Variants in GPR158 observed in about 807,000 individuals in gnomAD.
GPR158 encodes G protein-coupled receptor 158.
A neutral mutation model predicts 78.2 loss-of-function variants in GPR158; 30 were observed. That is an observed-to-expected ratio of 0.38 (90% CI 0.29 to 0.52). The LOEUF (loss-of-function observed/expected upper bound fraction) is 0.52, where lower values mean the gene tolerates loss of function less well. GPR158 is among the 20% of genes least tolerant of loss of function. The probability of loss-of-function intolerance (pLI) is 0.83; values close to 1 mark genes in which losing one functional copy is unlikely to be tolerated. For synonymous variants in GPR158, 581 were observed against 591.1 expected (o/e 0.98, Z 0.25); for missense variants, 1,463 against 1,523.5 (o/e 0.96, Z 0.66).
At chr10:25,401,884 A>G (rs1389954902) in intron 3 of GPR158, among the ~76,000 whole-genome samples, 3 of 152,130 alleles carry the variant, frequency 2.0e-5, no homozygotes, top group Non-Finnish European at 4.4e-5. Flanking sequence ...ACACAAAATC[A>G]TAATGTTTTA....
chr10:25,543,844 G>A (rs1269999396), intron 5 of GPR158, among the ~76,000 whole-genome samples: 1 of 152,066 alleles, frequency 6.6e-6, no homozygotes, highest in Non-Finnish European at 1.5e-5. Context: ...TATATGAATT[G>A]TGAGAGCATT....
chr10:25,425,986 A>T (rs1210567092), intron 4 of GPR158, among the ~76,000 whole-genome samples: 1 of 152,046 alleles, frequency 6.6e-6, no homozygotes, highest in Non-Finnish European at 1.5e-5. Flanking sequence ...TCTGTGTGCA[A>T]TTGTTCTTTA....
At chr10:25,342,775 CTT>C (rs778192834) in intron 2 of GPR158, among the ~76,000 whole-genome samples, 1 of 138,284 alleles carries the variant, frequency 7.2e-6, no homozygotes, top group East Asian at 2.1e-4. Flanking sequence ...GGACTAAGTT[CTT>C]TTTTTTTTTT....
intron 3 of GPR158, among the ~76,000 whole-genome samples, chr10:25,404,579 T>C (rs1415476115): frequency 6.6e-6 from 1 of 152,144 alleles, no homozygotes; most frequent in African/African-American, 2.4e-5. Flanking sequence ...ATATCTCTCC[T>C]ACTTGAGGAA....
At chr10:25,248,138 C>G (rs1439476644) in intron 2 of GPR158, among the ~76,000 whole-genome samples, 1 of 151,972 alleles carries the variant, frequency 6.6e-6, no homozygotes, top group East Asian at 1.9e-4. Context: ...CTGTTCATAT[C>G]CTTCGCCCAC....
At position 25,359,358 on chromosome 10, in the gene GPR158, C is replaced by T. The variant is rs146952592; in HGVS notation, c.1009-36553C>T. On this transcript the variant is annotated intron_variant, in intron 2 of 10. Coordinates refer to ENST00000376351, the MANE Select transcript of GPR158 (RefSeq NM_020752.3). ...CATGCCATGGTAGTTTTCTGCACCCCTCCACCCATCTTCTACATTAGGTAT... is the reference window on the plus strand; with the variant it reads ...CATGCCATGGTAGTTTTCTGCACCCTTCCACCCATCTTCTACATTAGGTAT... Among the ~76,000 whole-genome samples the T allele has an allele frequency of 6.3e-3, 953 of 152,066 alleles. 15 individuals are homozygous for T. The highest frequency in any genetic ancestry group is 0.022 in the African/African-American group (919 of 41,514).
intron 5 of GPR158, among the ~76,000 whole-genome samples, chr10:25,519,752 C>G (rs1564477895): frequency 9.2e-6 from 1 of 108,684 alleles, no homozygotes; most frequent in Non-Finnish European, 1.8e-5. Flanking sequence ...CGCTGTTAGT[C>G]TGATGGGCTT....
intron 6 of GPR158, among the ~76,000 whole-genome samples, chr10:25,558,587 G>A (rs1440991809): frequency 3.3e-5 from 5 of 152,076 alleles, no homozygotes; most frequent in Admixed American, 1.3e-4. Flanking sequence ...GTTTTTGGAC[G>A]GCTGCACCCA....
intron 2 of GPR158, among the ~76,000 whole-genome samples, chr10:25,315,985 T>A (rs1191654492): frequency 6.6e-6 from 1 of 152,170 alleles, no homozygotes; most frequent in Non-Finnish European, 1.5e-5. Flanking sequence ...ACTTGATACT[T>A]GAAGAACAGT....
At chr10:25,244,260 T>C (rs1037308526) in intron 2 of GPR158, 2 of 152,186 alleles carry the variant, frequency 1.3e-5, no homozygotes, top group Non-Finnish European at 2.9e-5. Flanking sequence ...ATTTTATCTC[T>C]TCATATGTTT....
In GPR158 at chr10:25,550,487, TG is replaced by T. The variant is rs1564487133; in HGVS notation, c.1405-483del. Among the ~76,000 whole-genome samples the T allele has an allele frequency of 2.0e-5, 3 of 152,204 alleles. No individual in the cohort carries two copies. The South Asian group carries it at 6.2e-4, about 32-fold the overall frequency. On this transcript the variant is annotated intron_variant, in intron 5 of 10. Coordinates refer to ENST00000376351, the MANE Select transcript of GPR158 (RefSeq NM_020752.3). ...GTGTGGAGGTGGGAACAATCGGCTC[TG>T]GGGGGAGAATGGCAGTGGGACTATC...
At chr10:25,329,157 C>G (rs568165316) in intron 2 of GPR158, among the ~76,000 whole-genome samples, 31 of 152,084 alleles carry the variant, frequency 2.0e-4, no homozygotes, top group Non-Finnish European at 3.7e-4. Context: ...GCATTTTAGG[C>G]CAGGCGCGGT....
intron 5 of GPR158, among the ~76,000 whole-genome samples, chr10:25,530,568 C>G (rs2130692848): frequency 6.6e-6 from 1 of 152,264 alleles, no homozygotes; most frequent in African/African-American, 2.4e-5. Flanking sequence ...GCTAGTGAGT[C>G]CGCAACAGGC....
At chr10:25,283,725 C>T (rs980139027) in intron 2 of GPR158, among the ~76,000 whole-genome samples, 3 of 151,754 alleles carry the variant, frequency 2.0e-5, no homozygotes, top group African/African-American at 4.8e-5. Flanking sequence ...TTTTTCTTTT[C>T]TAATATAAAT....
intron 4 of GPR158, among the ~76,000 whole-genome samples, chr10:25,442,125 C>G (rs1034205099): frequency 2.0e-5 from 3 of 152,112 alleles, no homozygotes; most frequent in Non-Finnish European, 4.4e-5. Context: ...AAGGAAAGCC[C>G]TTGATTAAAC....
chr10:25,213,407 T>C (rs1853161812), intron 1 of GPR158, among the ~76,000 whole-genome samples: 2 of 152,228 alleles, frequency 1.3e-5, no homozygotes, highest in Non-Finnish European at 2.9e-5. Context: ...TTTTCTCATT[T>C]ATTTTGAATT....
At chr10:25,206,088 C>A (rs1465932167) in intron 1 of GPR158, among the ~76,000 whole-genome samples, 1 of 151,646 alleles carries the variant, frequency 6.6e-6, no homozygotes, top group Non-Finnish European at 1.5e-5. Flanking sequence ...CAGGTTCATG[C>A]CATTCTCCTG....
At chr10:25,244,696 C>G (rs1054544203) in intron 2 of GPR158, 1 of 152,118 alleles carries the variant, frequency 6.6e-6, no homozygotes, top group Non-Finnish European at 1.5e-5. Flanking sequence ...ATAGTGAGAG[C>G]TAGAGGACTT....
intron 1 of GPR158, among the ~76,000 whole-genome samples, chr10:25,201,326 A>G (rs1363733500): frequency 1.3e-5 from 2 of 152,050 alleles, no homozygotes; most frequent in Non-Finnish European, 2.9e-5. Context: ...GTGTATAGGA[A>G]TATTAGGTTT....
Sources: gnomAD v4.1 joint callset for allele counts (sites outside exome capture counted in the v4.1 genomes callset) on GRCh38, gnomAD v4.1.1 for gene constraint, MANE v1.5 for transcripts, NCBI Gene and HGNC (gene_info 2026-07-23, HGNC 2026-07-21) for gene names.